The following NUDT4 variants were observed in gnomAD, a reference collection of about 807,000 sequenced individuals.
NUDT4 encodes nudix hydrolase 4.
Under a neutral mutation model 23.1 loss-of-function variants are expected in NUDT4, and 5 were observed. The ratio of observed to expected loss-of-function variants is 0.22; its 90% CI spans 0.11 to 0.46. The LOEUF (loss-of-function observed/expected upper bound fraction) is 0.46. NUDT4 is among the 20% of genes least tolerant of loss of function. NUDT4 has a pLI of 0.99. For missense variants in NUDT4, 96 were observed against 211.6 expected, an observed-to-expected ratio of 0.45 and a Z score of 3.39; for synonymous variants, 50 against 79.0, an observed-to-expected ratio of 0.63 and a Z score of 1.95.
intron 1 of NUDT4, among the ~76,000 whole-genome samples, chr12:93,385,862 C>G (rs1311764359): frequency 6.8e-6 from 1 of 147,248 alleles, no homozygotes; most frequent in Non-Finnish European, 1.5e-5. Flanking sequence ...AAAAAAAAAC[C>G]TTACAATAAA....
Position 93,403,325 on chromosome 12 carries a change from G to GTTTGT in NUDT4, c.*3950_*3954dup, listed in dbSNP as rs1245383360. The GTTTGT allele has an allele frequency of 6.6e-6, 1 of 151,866 alleles. No individual in the cohort carries two copies. The highest frequency in any genetic ancestry group is 1.5e-5 in the Non-Finnish European group (1 of 67,932). The allele number at this position is 151,866 out of a possible 1,614,324, so 9.4% of individuals were successfully genotyped here. A position where few individuals can be genotyped will look rare whatever the true frequency, so the allele number is the denominator to read the frequency against. On this transcript the variant is annotated 3_prime_UTR_variant, in exon 5 of 5. Transcript: ENST00000415493. ...ATCTTGGTGTAGTTTTGGCTTTTTT[G>GTTTGT]TTTGTTTTTTTGAGACAGCATCTCA...
intron 1 of NUDT4, among the ~76,000 whole-genome samples, chr12:93,389,624 C>T (rs989306905): frequency 8.6e-5 from 13 of 151,508 alleles, no homozygotes; most frequent in African/African-American, 2.7e-4. Context: ...AAGCATAGAC[C>T]GGGCGCGGTG....
intron 3 of NUDT4, among the ~76,000 whole-genome samples, chr12:93,398,358 AAG>A (rs1565783787): frequency 2.1e-5 from 3 of 142,192 alleles, no homozygotes; most frequent in African/African-American, 9.1e-5. Context: ...AAAAAAAAAA[AAG>A]AAAAGAACAT....
Position 93,404,216 on chromosome 12 carries a change from G to A in NUDT4, c.*4837G>A, listed in dbSNP as rs1289717859. On this transcript the variant is annotated 3_prime_UTR_variant, in exon 5 of 5. Transcript: ENST00000415493. Reference sequence around the variant, plus strand: ...GAAGTAAATATACTAGGAATTCAACGTATCTACGGGAATGTGGACAAAGAC... The same window carrying A: ...GAAGTAAATATACTAGGAATTCAACATATCTACGGGAATGTGGACAAAGAC... 1.3e-5 allele frequency: 2 copies of A among 152,130 alleles called. No individual in the cohort carries two copies. The highest frequency in any genetic ancestry group is 2.4e-5 in the African/African-American group (1 of 41,428). The allele number at this position is 152,130 out of a possible 1,614,324, so 9.4% of individuals were successfully genotyped here. A position where few individuals can be genotyped will look rare whatever the true frequency, so the allele number is the denominator to read the frequency against.
intron 3 of NUDT4, 47 bp from the exon 4 acceptor site, chr12:93,398,724 G>C (rs768447202): frequency 2.2e-6 from 3 of 1,334,608 alleles, no homozygotes; most frequent in Non-Finnish European, 3.2e-6. Context: ...ATGTGTCCAT[G>C]GCTAGCTCCT....
At chr12:93,397,013 T>C (rs1248655430) in intron 3 of NUDT4, among the ~76,000 whole-genome samples, 1 of 152,228 alleles carries the variant, frequency 6.6e-6, no homozygotes, top group Non-Finnish European at 1.5e-5. Context: ...GTCAATATGC[T>C]GACAAGGTGT....
At chr12:93,395,074 C>A (rs1403007466) in intron 2 of NUDT4, among the ~76,000 whole-genome samples, 10 of 152,126 alleles carry the variant, frequency 6.6e-5, no homozygotes, top group African/African-American at 2.4e-4. Flanking sequence ...GTCTCAAACC[C>A]CTGACCTCAG....
chr12:93,380,423 C>T (rs1478126171), intron 1 of NUDT4, among the ~76,000 whole-genome samples: 1 of 152,060 alleles, frequency 6.6e-6, no homozygotes, highest in Non-Finnish European at 1.5e-5. Flanking sequence ...AATTCATAGC[C>T]TCTAGTTGAG....
In NUDT4 at chr12:93,394,780, A is replaced by G. The variant is rs548432417; in HGVS notation, c.210+61A>G. On this transcript the variant is annotated intron_variant, in intron 2 of 4. Coordinates refer to ENST00000415493, the MANE Select transcript of NUDT4 (RefSeq NM_019094.6). The stretch of plus-strand genomic sequence containing the variant: ...TTTTAAAAACAAGGCCCTTTGCTAC[A>G]TAACACTAAGACAGCGAGACGGGTC... 29 of 997,870 alleles carry G rather than the reference A, an allele frequency of 2.9e-5. No individual in the cohort carries two copies. In the African/African-American group the frequency reaches 3.9e-4, roughly 13 times the overall value. 61.8% of individuals were successfully genotyped at this position (997,870 alleles called of 1,614,324 possible).
chr12:93,391,242 A>G (rs1876476936), intron 1 of NUDT4, among the ~76,000 whole-genome samples: 1 of 152,034 alleles, frequency 6.6e-6, no homozygotes, highest in African/African-American at 2.4e-5. Flanking sequence ...TGTCTAGGCA[A>G]CATGGCAAGA....
intron 1 of NUDT4, among the ~76,000 whole-genome samples, chr12:93,383,223 A>G (rs1349984322): frequency 1.3e-5 from 2 of 152,206 alleles, no homozygotes; most frequent in African/African-American, 4.8e-5. Flanking sequence ...ATACTTATCT[A>G]CCAATCCCAT....
intron 1 of NUDT4, among the ~76,000 whole-genome samples, chr12:93,388,762 G>T (rs995342253): frequency 1.3e-5 from 2 of 152,176 alleles, no homozygotes; most frequent in Middle Eastern, 3.2e-3. Flanking sequence ...GTTCTGAAAA[G>T]GATATACCAT....
chr12:93,399,289 T>C lies in NUDT4; in HGVS notation c.453T>C (p.Asn151=), dbSNP rs369566114. The part of the protein sequence containing the change: ...EKLKLGCSPA[N]GNSTVPSLPD... ...TAAAGCTGGGTTGTTCCCCAGCCAA[T>C]GGAAATTCTACAGTCCCTTCCCTTC... The change falls in exon 5 of 5, where the codon AAT becomes AAC. Residue 151 remains asparagine, a synonymous_variant. Transcript: ENST00000415493. 1.6e-5 allele frequency: 18 copies of C among 1,160,020 alleles called. No individual in the cohort carries two copies. The highest frequency in any genetic ancestry group is 2.3e-5 in the Non-Finnish European group (18 of 770,798). 71.9% of individuals were successfully genotyped at this position (1,160,020 alleles called of 1,614,324 possible).
intron 1 of NUDT4, among the ~76,000 whole-genome samples, chr12:93,389,928 G>C (rs1380734422): frequency 6.6e-6 from 1 of 151,906 alleles, no homozygotes; most frequent in South Asian, 2.1e-4. Flanking sequence ...AGCATAAAAT[G>C]TTTCTTCAGA....
At position 93,403,032 on chromosome 12, in the gene NUDT4, ATT is replaced by A. The variant is rs11307761; in HGVS notation, c.*3667_*3668del. 2,449 of 144,032 alleles carry A rather than the reference ATT, an allele frequency of 0.017. 20 individuals carry two copies. The highest frequency in any genetic ancestry group is 0.036 in the South Asian group (162 of 4,504). The allele number at this position is 144,032 out of a possible 1,614,324, so 8.9% of individuals were successfully genotyped here. On this transcript the variant is annotated 3_prime_UTR_variant, in exon 5 of 5. Transcript: ENST00000415493. ...TAAGAATTCTCTATAGGACTCTTTAATTTTTTTTTTTTTTTGGTAGAGATGGG... is the reference window on the plus strand; with the variant it reads ...TAAGAATTCTCTATAGGACTCTTTAATTTTTTTTTTTTTGGTAGAGATGGG...
rs946656818 is a variant in NUDT4 at position 93,405,172 on chromosome 12, G to A, written c.*5793G>A. 6.6e-5 allele frequency: 10 copies of A among 152,116 alleles called. No homozygotes were observed. Among genetic ancestry groups the A allele is most frequent in the African/African-American group, 2.2e-4 (9 of 41,412 alleles). 9.4% of individuals were successfully genotyped at this position (152,116 alleles called of 1,614,324 possible). ...GCAATCAGCCTATCACATCTAAGCT[G>A]CTTTTGCCAGATCTGATATCTACTC... On this transcript the variant is annotated 3_prime_UTR_variant, in exon 5 of 5. Transcript: ENST00000415493.
chr12:93,388,675 C>T (rs4761714), intron 1 of NUDT4, among the ~76,000 whole-genome samples: 18,242 of 152,034 alleles, frequency 0.12, 1,493 homozygotes, highest in East Asian at 0.43. Context: ...GATTTTCTTT[C>T]GAAAAGCATT....
intron 1 of NUDT4, chr12:93,378,859 T>C (rs1221398564): frequency 1.1e-6 from 1 of 886,188 alleles, no homozygotes; most frequent in Non-Finnish European, 1.4e-6. Flanking sequence ...CCGTTTGCGG[T>C]CTCGGATTCG....
rs1448766991 is a variant in NUDT4, at chr12:93,394,600, A to C, written c.100-9A>C. 1.3e-6 allele frequency: 2 copies of C among 1,521,680 alleles called. No homozygotes were observed. Among genetic ancestry groups the C allele is most frequent in the African/African-American group, 2.8e-5 (2 of 72,392 alleles). 94.3% of individuals were successfully genotyped at this position (1,521,680 alleles called of 1,614,324 possible). On this transcript the variant is annotated splice_polypyrimidine_tract_variant and intron_variant, in intron 1 of 4. Coordinates refer to ENST00000415493, the MANE Select transcript of NUDT4 (RefSeq NM_019094.6). ...GGCTGGAAGTATACAGTTATGGTTC[A>C]CCTTACAGGTGCTGCTGGTGAGTAG...
Sources: gnomAD v4.1 joint callset for allele counts (sites outside exome capture counted in the v4.1 genomes callset) on GRCh38, gnomAD v4.1.1 for gene constraint, MANE v1.5 for transcripts, NCBI Gene and HGNC (gene_info 2026-07-23, HGNC 2026-07-21) for gene names.